The following TLK1 variants were observed in gnomAD, a reference collection of about 807,000 sequenced individuals.
TLK1 encodes the protein tousled like kinase 1, also known as serine/threonine-protein kinase tousled-like 1.
Under a neutral mutation model 105.3 loss-of-function variants are expected in TLK1, and 24 were observed. The ratio of observed to expected loss-of-function variants is 0.23; its 90% CI spans 0.17 to 0.32. The LOEUF (loss-of-function observed/expected upper bound fraction) is 0.32. Among genes scored for constraint, TLK1 ranks in the 10% least tolerant of loss-of-function variants. The pLI is 1.00. For synonymous variants in TLK1, 321 were observed against 310.4 expected, an observed-to-expected ratio of 1.03 and a Z score of -0.36; for missense variants, 558 against 910.5, an observed-to-expected ratio of 0.61 and a Z score of 4.98.
intron 3 of TLK1, among the ~76,000 whole-genome samples, chr2:171,063,758 C>T (rs964696254): frequency 1.3e-5 from 2 of 152,092 alleles, no homozygotes; most frequent in Non-Finnish European, 1.5e-5. Flanking sequence ...TGAGTTCAAA[C>T]GGGGTAAACA....
upstream of TLK1, among the ~76,000 whole-genome samples, chr2:171,161,123 C>T (rs1575641347): frequency 1.4e-5 from 2 of 146,816 alleles, no homozygotes; most frequent in Non-Finnish European, 3.0e-5. Context: ...CGGATCGCCG[C>T]GCGGCGCGGG....
chr2:171,170,508 A>G (rs903211829), intron 1 of TLK1, among the ~76,000 whole-genome samples: 2 of 152,230 alleles, frequency 1.3e-5, no homozygotes, highest in Non-Finnish European at 2.9e-5. Context: ...TATTGGGTAT[A>G]GACAGTGGAA....
chr2:171,006,079 A>C lies in TLK1; in HGVS notation c.1904+68T>G, dbSNP rs563579773. 3.3e-4 allele frequency: 468 copies of C among 1,405,930 alleles called. 1 individual carries two copies. The highest frequency in any genetic ancestry group is 3.9e-4 in the Non-Finnish European group (415 of 1,062,792). 87.1% of individuals were successfully genotyped at this position (1,405,930 alleles called of 1,614,324 possible). On this transcript the variant is annotated intron_variant, in intron 18 of 20. Coordinates refer to ENST00000431350, the MANE Select transcript of TLK1 (RefSeq NM_012290.5). ...TGGCTACATGGAAATAAAAAAAAAA[A>C]CACTAAATTATTATAAAAGCACTGG...
rs566538697 is a variant in TLK1, at chr2:171,076,496, T to G, written c.330+6285A>C. On this transcript the variant is annotated intron_variant, in intron 3 of 20. Coordinates refer to ENST00000431350, the MANE Select transcript of TLK1 (RefSeq NM_012290.5). ...ATTATAAATTGCCCAGTCTGTGATA[T>G]TCTGTTAGAGCAGCAGAAAATGAAC... Among the ~76,000 whole-genome samples, 4 of 152,238 alleles carry G rather than the reference T, an allele frequency of 2.6e-5. No individual in the cohort carries two copies. In the South Asian group the frequency reaches 8.3e-4, roughly 32 times the overall value.
intron 12 of TLK1, among the ~76,000 whole-genome samples, 172 bp from the exon 13 acceptor site, chr2:171,015,120 T>C (rs1393119957): frequency 2.0e-5 from 3 of 152,060 alleles, no homozygotes; most frequent in African/African-American, 7.2e-5. Flanking sequence ...TGGAAAGAGA[T>C]AAGGCAAAAA....
chr2:171,140,625 G>C (rs1212734920), intron 1 of TLK1, among the ~76,000 whole-genome samples: 1 of 152,182 alleles, frequency 6.6e-6, no homozygotes, highest in Non-Finnish European at 1.5e-5. Flanking sequence ...AGTGAATTAA[G>C]AAAAGCAGAT....
intron 8 of TLK1, among the ~76,000 whole-genome samples, chr2:171,052,522 T>C (rs1311778443): frequency 6.6e-6 from 1 of 152,210 alleles, no homozygotes; most frequent in Non-Finnish European, 1.5e-5. Context: ...CTTACAATAT[T>C]GCAATGAAAT....
chr2:171,056,369 T>C, intron 6 of TLK1, 102 bp downstream of exon 6: 1 of 808,692 alleles, frequency 1.2e-6, no homozygotes, highest in Non-Finnish European at 1.9e-6. Context: ...TGCTAACTTA[T>C]TTATATAGAA....
intron 3 of TLK1, among the ~76,000 whole-genome samples, chr2:171,073,891 T>C (rs1220926887): frequency 7.1e-5 from 10 of 140,962 alleles, no homozygotes; most frequent in Non-Finnish European, 1.4e-4. Context: ...CCCTCCTTTT[T>C]TTTTCTTTCT....
In TLK1 at chr2:171,160,218, G is replaced by C. The variant is rs1378698026; in HGVS notation, c.139+72C>G. 1.3e-5 allele frequency: 11 copies of C among 844,342 alleles called. No individual in the cohort carries two copies. Among genetic ancestry groups the C allele is most frequent in the South Asian group, 6.1e-5 (1 of 16,390 alleles). The allele number at this position is 844,342 out of a possible 1,614,324, so 52.3% of individuals were successfully genotyped here. A position where few individuals can be genotyped will look rare whatever the true frequency, so the allele number is the denominator to read the frequency against. ...GGAGAAGCCCCGGGGCGGGGGGGGCGGGGGGGGGGCGCGGGGGTCCGCGGC... is the reference window on the plus strand; with the variant it reads ...GGAGAAGCCCCGGGGCGGGGGGGGCCGGGGGGGGGCGCGGGGGTCCGCGGC... On this transcript the variant is annotated intron_variant, in intron 1 of 20. Coordinates refer to ENST00000431350, the MANE Select transcript of TLK1 (RefSeq NM_012290.5). The surrounding 1 kb of genome is among the most constrained non-coding windows in gnomAD (Gnocchi z 4.4).
At chr2:171,205,603 T>C (rs1693489974) in intron 1 of TLK1, among the ~76,000 whole-genome samples, 1 of 152,114 alleles carries the variant, frequency 6.6e-6, no homozygotes, top group South Asian at 2.1e-4. Flanking sequence ...GGATTACAGG[T>C]GTGAGCCACA....
intron 3 of TLK1, among the ~76,000 whole-genome samples, chr2:171,072,037 G>A (rs574019039): frequency 6.6e-5 from 10 of 152,232 alleles, no homozygotes; most frequent in South Asian, 4.1e-4. Flanking sequence ...AATGTGATTC[G>A]TCTGGTTTTG....
chr2:171,110,548 C>A (rs1690118037), intron 2 of TLK1, among the ~76,000 whole-genome samples: 1 of 152,108 alleles, frequency 6.6e-6, no homozygotes, highest in South Asian at 2.1e-4. Flanking sequence ...TCAAAAGGGT[C>A]AAACATCCAA....
intron 2 of TLK1, among the ~76,000 whole-genome samples, chr2:171,086,941 G>A (rs557472527): frequency 3.9e-5 from 6 of 152,212 alleles, no homozygotes; most frequent in African/African-American, 9.6e-5. Context: ...ATGCAAAAAC[G>A]GAGCAGACGA....
Position 171,050,056 on chromosome 2 carries a change from T to C in TLK1, c.843+8A>G, listed in dbSNP as rs1687162062. On this transcript the variant is annotated splice_region_variant and intron_variant, in intron 9 of 20. Coordinates refer to ENST00000431350, the MANE Select transcript of TLK1 (RefSeq NM_012290.5). ...GGAAAGCGAAAATTTACTCAACTTT[T>C]AGCCTACCTTTTCAATAAGAAGTTT... 1 of 1,604,748 alleles carries C rather than the reference T, an allele frequency of 6.2e-7. No homozygotes were observed. The highest frequency in any genetic ancestry group is 1.3e-5 in the African/African-American group (1 of 74,698).
intron 2 of TLK1, among the ~76,000 whole-genome samples, chr2:171,102,607 CTG>C (rs1558942969): frequency 6.6e-6 from 1 of 152,154 alleles, no homozygotes; most frequent in Non-Finnish European, 1.5e-5. Flanking sequence ...CTCATTCTAA[CTG>C]TGTTTTAATA....
intron 11 of TLK1, among the ~76,000 whole-genome samples, chr2:171,030,721 C>T (rs1281673067): frequency 3.3e-5 from 5 of 152,090 alleles, no homozygotes; most frequent in African/African-American, 1.2e-4. Flanking sequence ...GGGCTCATAA[C>T]TAATTTTTAA....
chr2:171,097,502 CAGA>C (rs1460235658), intron 2 of TLK1, among the ~76,000 whole-genome samples: 2 of 152,106 alleles, frequency 1.3e-5, no homozygotes, highest in Admixed American at 6.5e-5. Context: ...AGCTTATGCA[CAGA>C]AGAAGAACCA....
Position 171,022,086 on chromosome 2 carries a change from A to AACACACACACACACAGAC in TLK1, c.1236+6252_1236+6253insGTCTGTGTGTGTGTGTGT, listed in dbSNP as rs1553605632. On this transcript the variant is annotated intron_variant, in intron 12 of 20. Transcript: ENST00000431350. ...CCACCACACTCCAGCCTGGGCGAAA[A>AACACACACACACACAGAC]ACACACACACACACACACACACACA... is the stretch of plus-strand genomic sequence containing the variant. 7.2e-3 allele frequency among the ~76,000 whole-genome samples: 742 copies of AACACACACACACACAGAC among 103,082 alleles called. 10 individuals carry two copies. Among genetic ancestry groups the AACACACACACACACAGAC allele is most frequent in the East Asian group, 0.036 (62 of 1,732 alleles). The allele number at this position is 103,082 out of a possible 152,430, so 67.6% of individuals were successfully genotyped here.
Sources: allele counts gnomAD v4.1 joint callset (sites outside exome capture counted in the v4.1 genomes callset), GRCh38; gene constraint gnomAD v4.1.1; non-coding constraint Gnocchi (gnomAD v3.1); transcripts MANE v1.5; gene names NCBI Gene and HGNC (gene_info 2026-07-23, HGNC 2026-07-21).